Variants in PRKRA observed in about 807,000 individuals in gnomAD.
The protein encoded by PRKRA is protein activator of interferon induced protein kinase EIF2AK2, also known as interferon-inducible double-stranded RNA-dependent protein kinase activator A.
A neutral mutation model predicts 32.4 loss-of-function variants in PRKRA; 22 were observed. The ratio of observed to expected loss-of-function variants is 0.68; its 90% CI spans 0.49 to 0.97. PRKRA has a LOEUF of 0.97. Ranked by LOEUF, PRKRA falls within the 50% of genes least tolerant of loss-of-function variation. The pLI is 0.00. For synonymous variants in PRKRA, 139 were observed against 129.8 expected, an observed-to-expected ratio of 1.07 and a Z score of -0.48; for missense variants, 319 against 375.6, an observed-to-expected ratio of 0.85 and a Z score of 1.25.
intron 7 of PRKRA, among the ~76,000 whole-genome samples, chr2:178,432,765 A>T (rs1335166120): frequency 6.6e-6 from 1 of 151,216 alleles, no homozygotes; most frequent in Non-Finnish European, 1.5e-5. Flanking sequence ...GTCTTCTATT[A>T]AAAAAAAATG....
At chr2:178,434,129 G>GAGAC (rs1405576710) in intron 7 of PRKRA, 2 of 116,730 alleles carry the variant, frequency 1.7e-5, no homozygotes, top group Admixed American at 8.8e-5. Context: ...TTTTTTTTTT[G>GAGAC]AGACAGAGTC....
intron 3 of PRKRA, 164 bp downstream of exon 3, chr2:178,447,341 A>T: frequency 7.9e-7 from 1 of 1,258,380 alleles, no homozygotes; most frequent in South Asian, 1.5e-5. Context: ...TTGATTGGAT[A>T]AAGTTTTCTT....
At chr2:178,441,026 G>A (rs552288024) in intron 6 of PRKRA, among the ~76,000 whole-genome samples, 28 of 152,128 alleles carry the variant, frequency 1.8e-4, no homozygotes, top group African/African-American at 6.8e-4. Context: ...CTTTGCACAC[G>A]CTTTTTCTTC....
chr2:178,447,333 G>T, intron 3 of PRKRA, 172 bp downstream of exon 3: 1 of 1,166,968 alleles, frequency 8.6e-7, no homozygotes, highest in Non-Finnish European at 1.2e-6. Context: ...TGCTGGATTT[G>T]ATTGGATAAA....
At position 178,432,014 on chromosome 2, in the gene PRKRA, A is replaced by G; in HGVS notation, c.*83T>C. The G allele has an allele frequency of 1.4e-6, 2 of 1,450,468 alleles. No homozygotes were observed. Among genetic ancestry groups the G allele is most frequent in the Non-Finnish European group, 9.6e-7 (1 of 1,042,660 alleles). The allele number at this position is 1,450,468 out of a possible 1,614,324, so 89.8% of individuals were successfully genotyped here. A position where few individuals can be genotyped will look rare whatever the true frequency, so the allele number is the denominator to read the frequency against. On this transcript the variant is annotated 3_prime_UTR_variant, in exon 8 of 8. Transcript: ENST00000325748. ...AGAGATTTAGAAACAAGACATAAACACTACGGTAAAAGTTTTACTTGGGAA... is the reference window on the plus strand; with the variant it reads ...AGAGATTTAGAAACAAGACATAAACGCTACGGTAAAAGTTTTACTTGGGAA...
intron 7 of PRKRA, among the ~76,000 whole-genome samples, chr2:178,432,589 A>G (rs918665369): frequency 6.6e-6 from 1 of 152,212 alleles, no homozygotes; most frequent in Admixed American, 6.5e-5. Flanking sequence ...ATTCTAATAT[A>G]GTTAGTTGAA....
chr2:178,449,379 G>A (rs1008594188), intron 2 of PRKRA, among the ~76,000 whole-genome samples: 2 of 152,158 alleles, frequency 1.3e-5, no homozygotes, highest in Non-Finnish European at 2.9e-5. Context: ...AACTTCCAGG[G>A]ACACAAACAA....
At chr2:178,444,372 T>A in intron 4 of PRKRA, 50 bp downstream of exon 4, 1 of 1,434,246 alleles carries the variant, frequency 7.0e-7, no homozygotes, top group Non-Finnish European at 9.8e-7. Context: ...CCTCTGACAT[T>A]ACAAACTTAT....
intron 1 of PRKRA, 190 bp downstream of exon 1, chr2:178,450,774 CGA>C (rs1697576007): frequency 7.4e-7 from 1 of 1,346,728 alleles, no homozygotes; most frequent in Admixed American, 3.7e-5. Context: ...CCAGGGACCA[CGA>C]GAGGGGCGGG....
intron 3 of PRKRA, among the ~76,000 whole-genome samples, chr2:178,446,806 A>T (rs1697326832): frequency 6.6e-6 from 1 of 151,982 alleles, no homozygotes; most frequent in South Asian, 2.1e-4. Flanking sequence ...ATCCCGGCTA[A>T]AACGGTGAAA....
At chr2:178,447,405 C>T (rs1697361973) in intron 3 of PRKRA, 100 bp downstream of exon 3, 1 of 1,361,990 alleles carries the variant, frequency 7.3e-7, no homozygotes, top group Non-Finnish European at 9.7e-7. Flanking sequence ...AGGATGCTAA[C>T]AACTGTTCAC....
chr2:178,432,393 T>C, intron 7 of PRKRA, 139 bp from the exon 8 acceptor site: 2 of 1,177,682 alleles, frequency 1.7e-6, no homozygotes, highest in East Asian at 5.1e-5. Context: ...ATCTTTGTTT[T>C]GCTTGTACAA....
rs1465109441 is a variant in PRKRA, at chr2:178,450,246, G to A, written c.231C>T (p.Cys77=). The stretch of plus-strand genomic sequence containing the variant: ...AGGTTAACTGTGTATACAGACCTGT[G>A]CAGGTTATGTCACCAACGGTTACTC... ...TFRVTVGDIT[C]TGEGTSKKLA... The change falls in exon 2 of 8, where the codon TGC becomes TGT. Residue 77 remains cysteine, a synonymous_variant. Transcript: ENST00000325748. The A allele has an allele frequency of 2.5e-6, 4 of 1,614,148 alleles. No homozygotes were observed. Among genetic ancestry groups the A allele is most frequent in the African/African-American group, 2.7e-5 (2 of 74,952 alleles).
intron 7 of PRKRA, chr2:178,433,724 G>A (rs1696765256): frequency 6.6e-6 from 1 of 152,172 alleles, no homozygotes; most frequent in African/African-American, 2.4e-5. Flanking sequence ...CTGGGTTCCA[G>A]CGATGCTCAT....
At chr2:178,448,525 GA>G (rs1013555689) in intron 2 of PRKRA, among the ~76,000 whole-genome samples, 1 of 152,188 alleles carries the variant, frequency 6.6e-6, no homozygotes, top group African/African-American at 2.4e-5. Context: ...GGCTGTAGCG[GA>G]GGTTGCAGTG....
At chr2:178,448,138 T>G (rs1193957249) in intron 2 of PRKRA, among the ~76,000 whole-genome samples, 2 of 152,242 alleles carry the variant, frequency 1.3e-5, no homozygotes, top group African/African-American at 2.4e-5. Flanking sequence ...GAAAGAGTTT[T>G]ATGGAATAAG....
chr2:178,436,667 G>T lies in PRKRA; in HGVS notation c.610-348C>A, dbSNP rs1696910917. Among the ~76,000 whole-genome samples, 3 of 151,844 alleles carry T rather than the reference G, an allele frequency of 2.0e-5. No individual in the cohort carries two copies. The South Asian group carries it at 6.2e-4, about 31-fold the overall frequency. ...CCACAAATAATTAAATCTGCCTAAT[G>T]GAGCAATTTGCAGATTAAAATATAG... On this transcript the variant is annotated intron_variant, in intron 6 of 7. Transcript: ENST00000325748.
Position 178,450,370 on chromosome 2 carries a change from A to C in PRKRA, c.107T>G (p.Ile36Ser). The C allele has an allele frequency of 6.2e-7, 1 of 1,614,242 alleles. No homozygotes were observed. The highest frequency in any genetic ancestry group is 8.5e-7 in the Non-Finnish European group (1 of 1,180,042). ...MITAKPGKTP[I>S]QVLHEYGMKT... ...CATGCCGTATTCGTGTAATACCTGA[A>C]TCGGTGTTTTCCCTGGCTTAGCTGT... The change falls in exon 2 of 8, where the codon ATT (isoleucine) becomes AGT (serine). Residue 36 changes from isoleucine (I) to serine (S), a missense_variant. Coordinates refer to ENST00000325748, the MANE Select transcript of PRKRA (RefSeq NM_003690.5).
intron 3 of PRKRA, among the ~76,000 whole-genome samples, chr2:178,446,971 C>T (rs1475799652): frequency 9.8e-5 from 12 of 122,286 alleles, no homozygotes; most frequent in South Asian, 2.5e-4. Context: ...CCAGACTGGG[C>T]GACAGAGCGA....
Sources: allele counts gnomAD v4.1 joint callset (sites outside exome capture counted in the v4.1 genomes callset), GRCh38; gene constraint gnomAD v4.1.1; transcripts MANE v1.5; gene names NCBI Gene and HGNC (gene_info 2026-07-23, HGNC 2026-07-21).